Variants in IGF1R observed in about 807,000 individuals in gnomAD.
IGF1R encodes insulin-like growth factor 1 receptor.
IGF1R carries 44 observed loss-of-function variants against 144.6 expected under a neutral mutation model. The ratio of observed to expected loss-of-function variants is 0.30; its 90% CI spans 0.24 to 0.39. IGF1R has a LOEUF of 0.39. IGF1R is among the 10% of genes least tolerant of loss of function. The probability of loss-of-function intolerance (pLI) is 1.00; values close to 1 mark genes in which losing one functional copy is unlikely to be tolerated. For synonymous variants in IGF1R, 795 were observed against 722.8 expected (o/e 1.10, Z -1.60); for missense variants, 1,355 against 1,833.7 (o/e 0.74, Z 4.77).
chr15:98,946,800 C>CCT (rs2151724402), intron 19 of IGF1R, among the ~76,000 whole-genome samples: 1 of 152,264 alleles, frequency 6.6e-6, no homozygotes, highest in South Asian at 2.1e-4. Context: ...GAACTGGCTG[C>CCT]CTGCAAGCCG....
At chr15:98,825,421 G>A (rs561749136) in intron 2 of IGF1R, among the ~76,000 whole-genome samples, 3 of 152,180 alleles carry the variant, frequency 2.0e-5, no homozygotes, top group East Asian at 1.9e-4. Context: ...GACCAGTCCC[G>A]GTCCATGGCC....
At chr15:98,897,007 T>A in intron 4 of IGF1R, 102 bp downstream of exon 4, 3 of 1,089,606 alleles carry the variant, frequency 2.8e-6, no homozygotes, top group Admixed American at 3.7e-5. Context: ...AATATGGGCT[T>A]AGATAAACAA....
intron 1 of IGF1R, among the ~76,000 whole-genome samples, chr15:98,686,731 T>A (rs898150882): frequency 2.6e-5 from 4 of 151,976 alleles, no homozygotes; most frequent in Non-Finnish European, 4.4e-5. Context: ...AGTGCAGTGA[T>A]GTGAGCATAG....
intron 2 of IGF1R, among the ~76,000 whole-genome samples, chr15:98,777,474 C>T (rs2055747648): frequency 1.3e-5 from 2 of 152,356 alleles, no homozygotes; most frequent in Admixed American, 6.5e-5. Flanking sequence ...AGGACACAGT[C>T]TGCTCACCGA....
At chr15:98,804,852 G>A (rs965865189) in intron 2 of IGF1R, among the ~76,000 whole-genome samples, 6 of 152,048 alleles carry the variant, frequency 3.9e-5, no homozygotes, top group African/African-American at 1.2e-4. Context: ...GCACCACCAC[G>A]CCTGGCTAAT....
chr15:98,743,991 A>T (rs2054806956), intron 2 of IGF1R, among the ~76,000 whole-genome samples: 1 of 152,162 alleles, frequency 6.6e-6, no homozygotes, highest in African/African-American at 2.4e-5. Context: ...CTGGAGGAAG[A>T]TCAGGTGGGG....
At chr15:98,715,156 G>C (rs1041175023) in intron 2 of IGF1R, among the ~76,000 whole-genome samples, 1 of 152,184 alleles carries the variant, frequency 6.6e-6, no homozygotes, top group East Asian at 1.9e-4. Flanking sequence ...ATAGTCAGGC[G>C]TGGAGCTCAC....
At position 98,756,577 on chromosome 15, in the gene IGF1R, A is replaced by G. The variant is rs144856026; in HGVS notation, c.640+48470A>G. ...TTAATCAAGTTTGTTAGAAGTTTATATATTTTATTGTCTTCAAAAAACTAG... is the reference window on the plus strand; with the variant it reads ...TTAATCAAGTTTGTTAGAAGTTTATGTATTTTATTGTCTTCAAAAAACTAG... On this transcript the variant is annotated intron_variant, in intron 2 of 20. Transcript: ENST00000650285. 7.0e-3 allele frequency among the ~76,000 whole-genome samples: 1,057 copies of G among 152,012 alleles called. 12 individuals are homozygous for G. Among genetic ancestry groups the G allele is most frequent in the African/African-American group, 0.023 (948 of 41,486 alleles).
intron 20 of IGF1R, among the ~76,000 whole-genome samples, chr15:98,949,133 C>G (rs970871493): frequency 6.6e-6 from 1 of 152,190 alleles, no homozygotes; most frequent in Non-Finnish European, 1.5e-5. Flanking sequence ...AGGGAGCCGC[C>G]GCAGTGAGTG....
At position 98,960,952 on chromosome 15, in the gene IGF1R, ACAGGACAGACGGCTCG is replaced by A. The variant is rs1413427248; in HGVS notation, c.*3512_*3527del. On this transcript the variant is annotated 3_prime_UTR_variant, in exon 21 of 21. Transcript: ENST00000650285. Reference sequence around the variant, plus strand: ...CTCCGTCTCCCTGGTCCTGCTGCTCACAGGACAGACGGCTCGCTCCCCTCTTCCAGCAGCTGCTCTT... The same window carrying A: ...CTCCGTCTCCCTGGTCCTGCTGCTCACTCCCCTCTTCCAGCAGCTGCTCTT... 5.6e-5 allele frequency: 13 copies of A among 233,740 alleles called. No individual in the cohort carries two copies. The highest frequency in any genetic ancestry group is 2.2e-4 in the Admixed American group (4 of 17,800). 14.5% of individuals were successfully genotyped at this position (233,740 alleles called of 1,614,324 possible). A position where few individuals can be genotyped will look rare whatever the true frequency, so the allele number is the denominator to read the frequency against.
At chr15:98,866,036 G>A (rs1041664906) in intron 2 of IGF1R, among the ~76,000 whole-genome samples, 1 of 152,206 alleles carries the variant, frequency 6.6e-6, no homozygotes, top group African/African-American at 2.4e-5. Context: ...GTGCACATAT[G>A]CACGGGGCGC....
chr15:98,649,747 A>T, intron 1 of IGF1R, 72 bp downstream of exon 1: 1 of 1,174,094 alleles, frequency 8.5e-7, no homozygotes. Context: ...TGTTTGCGAA[A>T]CCCGAGTTGC....
chr15:98,815,493 C>A (rs915884461), intron 2 of IGF1R, among the ~76,000 whole-genome samples: 2 of 152,228 alleles, frequency 1.3e-5, no homozygotes, highest in Admixed American at 6.5e-5. Flanking sequence ...AGGGCACAAT[C>A]AGGCTATTGT....
intron 2 of IGF1R, among the ~76,000 whole-genome samples, chr15:98,832,826 G>T (rs554041708): frequency 8.5e-5 from 13 of 152,210 alleles, no homozygotes; most frequent in African/African-American, 3.1e-4. Flanking sequence ...ACAATTTCTG[G>T]CACATTTACC....
At chr15:98,850,757 C>A (rs935759551) in intron 2 of IGF1R, among the ~76,000 whole-genome samples, 14 of 151,732 alleles carry the variant, frequency 9.2e-5, no homozygotes, top group Non-Finnish European at 1.9e-4. Flanking sequence ...GGGGGGGGTA[C>A]CATGTTAACA....
At chr15:98,855,647 A>C (rs1240805147) in intron 2 of IGF1R, among the ~76,000 whole-genome samples, 1 of 152,180 alleles carries the variant, frequency 6.6e-6, no homozygotes, top group Non-Finnish European at 1.5e-5. Context: ...TTAGCTCTTT[A>C]ATGTATACGT....
At chr15:98,761,966 A>G (rs193263665) in intron 2 of IGF1R, among the ~76,000 whole-genome samples, 4 of 152,290 alleles carry the variant, frequency 2.6e-5, no homozygotes, top group Admixed American at 2.0e-4. Flanking sequence ...CATACATCTT[A>G]ACTACACTGC....
intron 1 of IGF1R, among the ~76,000 whole-genome samples, chr15:98,705,257 G>T (rs952762459): frequency 6.6e-6 from 1 of 152,196 alleles, no homozygotes; most frequent in African/African-American, 2.4e-5. Flanking sequence ...TGACTGGAAG[G>T]TCAAGTGACA....
intron 2 of IGF1R, among the ~76,000 whole-genome samples, chr15:98,723,126 C>T (rs892395170): frequency 1.3e-5 from 2 of 151,900 alleles, no homozygotes; most frequent in African/African-American, 4.8e-5. Context: ...CAACGTCTCA[C>T]GCTAGAATGA....
Sources: allele counts gnomAD v4.1 joint callset (sites outside exome capture counted in the v4.1 genomes callset), GRCh38; gene constraint gnomAD v4.1.1; transcripts MANE v1.5; gene names NCBI Gene and HGNC (gene_info 2026-07-23, HGNC 2026-07-21).